The following EEA1 variants were observed in gnomAD, a reference collection of about 807,000 sequenced individuals.
The protein encoded by EEA1 is early endosome antigen 1.
Under a neutral mutation model 209.2 loss-of-function variants are expected in EEA1, and 111 were observed. That is an observed-to-expected ratio of 0.53 (90% CI 0.45 to 0.62). EEA1 has a LOEUF of 0.62. EEA1 is among the 20% of genes least tolerant of loss of function. The pLI is 0.00. For synonymous variants in EEA1, 536 were observed against 540.6 expected, an observed-to-expected ratio of 0.99 and a Z score of 0.12; for missense variants, 1,343 against 1,530.8, an observed-to-expected ratio of 0.88 and a Z score of 2.05.
intron 9 of EEA1, among the ~76,000 whole-genome samples, chr12:92,843,604 C>T (rs1228914214): frequency 6.6e-6 from 1 of 151,770 alleles, no homozygotes; most frequent in African/African-American, 2.4e-5. Flanking sequence ...CAGAGAAAGA[C>T]GAAGTATTTT....
At position 92,776,748 on chromosome 12, in the gene EEA1, A is replaced by C. The variant is rs955112858; in HGVS notation, c.4113+96T>G. ...AAAGTTTACTGATAAACAGAAAATTATTCTGTCAAATGAAGGACTATTTTG... is the reference window on the plus strand; with the variant it reads ...AAAGTTTACTGATAAACAGAAAATTCTTCTGTCAAATGAAGGACTATTTTG... On this transcript the variant is annotated intron_variant, in intron 28 of 28. Transcript: ENST00000322349. 3 of 1,130,206 alleles carry C rather than the reference A, an allele frequency of 2.7e-6. No individual in the cohort carries two copies. The African/African-American group carries it at 4.7e-5, about 18-fold the overall frequency. The allele number at this position is 1,130,206 out of a possible 1,614,324, so 70.0% of individuals were successfully genotyped here.
chr12:92,811,214 G>T, intron 17 of EEA1, 65 bp downstream of exon 17: 1 of 1,122,852 alleles, frequency 8.9e-7, no homozygotes. Flanking sequence ...ATTCCATGTA[G>T]GTCATGAGAT....
At chr12:92,906,676 T>C (rs1007760535) in intron 1 of EEA1, among the ~76,000 whole-genome samples, 1 of 151,748 alleles carries the variant, frequency 6.6e-6, no homozygotes, top group African/African-American at 2.4e-5. Flanking sequence ...TAGCCGGGCA[T>C]AGTGGCGGGC....
rs986180366 is a variant in EEA1 at position 92,774,548 on chromosome 12, C to A, written c.*1463G>T. On this transcript the variant is annotated 3_prime_UTR_variant, in exon 29 of 29. Transcript: ENST00000322349. ...ATTAATAAACCAATATTAATAACTTCTCTCTTGAGATGTTTTACAATTTTC... is the reference window on the plus strand; with the variant it reads ...ATTAATAAACCAATATTAATAACTTATCTCTTGAGATGTTTTACAATTTTC... The A allele has an allele frequency of 2.0e-5, 3 of 151,652 alleles. No individual in the cohort carries two copies. Among genetic ancestry groups the A allele is most frequent in the Admixed American group, 6.6e-5 (1 of 15,212 alleles). 9.4% of individuals were successfully genotyped at this position (151,652 alleles called of 1,614,324 possible). A position where few individuals can be genotyped will look rare whatever the true frequency, so the allele number is the denominator to read the frequency against.
At chr12:92,862,794 G>A (rs576388059) in intron 3 of EEA1, among the ~76,000 whole-genome samples, 27 of 152,270 alleles carry the variant, frequency 1.8e-4, no homozygotes, top group African/African-American at 4.8e-4. Flanking sequence ...AATCAGATGC[G>A]GGTAGGAGGA....
At chr12:92,817,694 C>A (rs61933750) in intron 14 of EEA1, among the ~76,000 whole-genome samples, 3 of 152,180 alleles carry the variant, frequency 2.0e-5, no homozygotes, top group Non-Finnish European at 1.5e-5. Flanking sequence ...TGTTTCTTCA[C>A]ATGTGTAGTA....
chr12:92,840,867 C>T (rs1877137728), intron 10 of EEA1, among the ~76,000 whole-genome samples: 1 of 152,222 alleles, frequency 6.6e-6, no homozygotes, highest in East Asian at 1.9e-4. Context: ...AACTCTAACC[C>T]TCAAGGAGAT....
chr12:92,894,690 G>A (rs771909846), intron 1 of EEA1, among the ~76,000 whole-genome samples: 1 of 152,180 alleles, frequency 6.6e-6, no homozygotes, highest in Non-Finnish European at 1.5e-5. Flanking sequence ...AGGTAGCAGA[G>A]GTTGGTTCAT....
At position 92,772,230 on chromosome 12, in the gene EEA1, C is replaced by A. The variant is rs921225294; in HGVS notation, c.*3781G>T. 2 of 151,726 alleles carry A rather than the reference C, an allele frequency of 1.3e-5. No homozygotes were observed. The highest frequency in any genetic ancestry group is 2.9e-5 in the Non-Finnish European group (2 of 67,822). 9.4% of individuals were successfully genotyped at this position (151,726 alleles called of 1,614,324 possible). A position where few individuals can be genotyped will look rare whatever the true frequency, so the allele number is the denominator to read the frequency against. ...TGGTCATCTGGGTATTAAATGCAGA[C>A]ACACAATGAAATAAGGGGTTAATTA... On this transcript the variant is annotated 3_prime_UTR_variant, in exon 29 of 29. Transcript: ENST00000322349.
At chr12:92,853,847 GA>G in intron 6 of EEA1, 67 bp downstream of exon 6, 1 of 1,434,960 alleles carries the variant, frequency 7.0e-7, no homozygotes, top group Non-Finnish European at 9.5e-7. Context: ...AGGCATCAAA[GA>G]AAAAGAAAGG....
intron 10 of EEA1, among the ~76,000 whole-genome samples, chr12:92,834,358 A>C (rs1876810875): frequency 6.6e-6 from 1 of 152,088 alleles, no homozygotes. Context: ...AGCCTGGGCA[A>C]TATAGCAAGA....
At chr12:92,802,976 A>G (rs1377784002) in intron 18 of EEA1, among the ~76,000 whole-genome samples, 6 of 152,102 alleles carry the variant, frequency 3.9e-5, no homozygotes, top group Non-Finnish European at 8.8e-5. Flanking sequence ...AGACAAAACT[A>G]TCTAAGCTTC....
chr12:92,833,221 T>G (rs1876742703), intron 10 of EEA1, among the ~76,000 whole-genome samples: 1 of 152,208 alleles, frequency 6.6e-6, no homozygotes, highest in Non-Finnish European at 1.5e-5. Context: ...TATGCAAACT[T>G]TGATTTTTCA....
At chr12:92,841,486 C>T (rs1339189743) in intron 10 of EEA1, among the ~76,000 whole-genome samples, 1 of 152,090 alleles carries the variant, frequency 6.6e-6, no homozygotes, top group African/African-American at 2.4e-5. Context: ...ATTTAACATT[C>T]CTACAGAATG....
chr12:92,789,742 T>G (rs1874312270), intron 21 of EEA1, among the ~76,000 whole-genome samples: 1 of 152,210 alleles, frequency 6.6e-6, no homozygotes, highest in African/African-American at 2.4e-5. Context: ...TAAACGTCCC[T>G]GTCTGACAGC....
At chr12:92,862,472 T>A (rs1878196532) in intron 3 of EEA1, among the ~76,000 whole-genome samples, 2 of 152,032 alleles carry the variant, frequency 1.3e-5, no homozygotes. Context: ...GGTCCATGCC[T>A]GTAGTCCCAG....
chr12:92,870,353 C>G (rs1456493828), intron 2 of EEA1, among the ~76,000 whole-genome samples: 1 of 152,002 alleles, frequency 6.6e-6, no homozygotes, highest in Non-Finnish European at 1.5e-5. Context: ...TTTTGGAATA[C>G]CATAGTGATT....
chr12:92,840,769 GGAATA>G (rs1158343455), intron 10 of EEA1, among the ~76,000 whole-genome samples: 3 of 152,352 alleles, frequency 2.0e-5, no homozygotes, highest in Non-Finnish European at 4.4e-5. Flanking sequence ...AGAGTCCAAT[GGAATA>G]GAATAGAGAG....
At chr12:92,848,886 G>A (rs1259159401) in intron 9 of EEA1, among the ~76,000 whole-genome samples, 1 of 151,864 alleles carries the variant, frequency 6.6e-6, no homozygotes, top group Non-Finnish European at 1.5e-5. Context: ...GTACGTGCCA[G>A]CACGTCTGGC....
Sources: gnomAD v4.1 joint callset for allele counts (sites outside exome capture counted in the v4.1 genomes callset) on GRCh38, gnomAD v4.1.1 for gene constraint, MANE v1.5 for transcripts, NCBI Gene and HGNC (gene_info 2026-07-23, HGNC 2026-07-21) for gene names.